Variants in NOS1AP observed in about 807,000 individuals in gnomAD.
The protein encoded by NOS1AP is carboxyl-terminal PDZ ligand of neuronal nitric oxide synthase protein.
Under a neutral mutation model 56.2 loss-of-function variants are expected in NOS1AP, and 21 were observed. The ratio of observed to expected loss-of-function variants is 0.37; its 90% CI spans 0.26 to 0.54. The LOEUF (loss-of-function observed/expected upper bound fraction) is 0.54. NOS1AP is among the 20% of genes least tolerant of loss of function. The pLI is 0.84. For synonymous variants in NOS1AP, 270 were observed against 274.6 expected (o/e 0.98, Z 0.17); for missense variants, 522 against 657.8 (o/e 0.79, Z 2.26).
chr1:162,137,143 C>G (rs1649038532), intron 1 of NOS1AP, among the ~76,000 whole-genome samples: 1 of 152,050 alleles, frequency 6.6e-6, no homozygotes, highest in Non-Finnish European at 1.5e-5. Context: ...TTTGATGGAC[C>G]CCCCTGTCAC....
intron 2 of NOS1AP, among the ~76,000 whole-genome samples, chr1:162,211,203 G>T (rs972438332): frequency 3.3e-5 from 5 of 152,202 alleles, no homozygotes; most frequent in African/African-American, 1.2e-4. Context: ...AATATCACAG[G>T]CTAGGTGGAT....
chr1:162,325,777 T>C (rs1656569734), intron 4 of NOS1AP, among the ~76,000 whole-genome samples: 2 of 152,150 alleles, frequency 1.3e-5, no homozygotes. Context: ...GGTGACTTGG[T>C]ACCTTATCTT....
At chr1:162,126,946 GT>G (rs1304557107) in intron 1 of NOS1AP, among the ~76,000 whole-genome samples, 1 of 152,108 alleles carries the variant, frequency 6.6e-6, no homozygotes, top group Non-Finnish European at 1.5e-5. Flanking sequence ...CCAACAGAAT[GT>G]ATTGTCAAAC....
rs2101825734 is a variant in NOS1AP, at chr1:162,361,001, A to G, written c.939+3865A>G. 4 of 447,078 alleles carry G rather than the reference A, an allele frequency of 8.9e-6. No homozygotes were observed. The East Asian group carries it at 2.8e-4, about 31-fold the overall frequency. The allele number at this position is 447,078 out of a possible 1,614,324, so 27.7% of individuals were successfully genotyped here. On this transcript the variant is annotated intron_variant, in intron 8 of 9. Coordinates refer to ENST00000361897, the MANE Select transcript of NOS1AP (RefSeq NM_014697.3). ...TTGAGGGTGGGTTTCAGAGTTTGGG[A>G]AAGCAGTGTAGAGCTGGAGGGTGCA...
At chr1:162,283,173 T>C (rs1296229175) in intron 2 of NOS1AP, among the ~76,000 whole-genome samples, 1 of 151,428 alleles carries the variant, frequency 6.6e-6, no homozygotes. Flanking sequence ...CATATATATA[T>C]AATATATGTT....
chr1:162,178,092 C>T (rs1361285672), intron 2 of NOS1AP, among the ~76,000 whole-genome samples: 1 of 152,222 alleles, frequency 6.6e-6, no homozygotes, highest in Non-Finnish European at 1.5e-5. Flanking sequence ...TGGAATCATA[C>T]AGTAGGTATG....
chr1:162,243,370 G>T (rs1434567224), intron 2 of NOS1AP, among the ~76,000 whole-genome samples: 2 of 152,068 alleles, frequency 1.3e-5, no homozygotes. Context: ...CAGAGACCAG[G>T]GTATTCACTT....
chr1:162,151,687 T>C (rs1240692751), intron 1 of NOS1AP, among the ~76,000 whole-genome samples: 1 of 152,178 alleles, frequency 6.6e-6, no homozygotes, highest in Non-Finnish European at 1.5e-5. Flanking sequence ...TTTTGTAGTT[T>C]TTATTGTAGA....
chr1:162,246,035 C>T (rs1460507289), intron 2 of NOS1AP, among the ~76,000 whole-genome samples: 3 of 152,162 alleles, frequency 2.0e-5, no homozygotes, highest in Non-Finnish European at 4.4e-5. Flanking sequence ...GATGGCAGGC[C>T]AGGTGCCCTT....
intron 2 of NOS1AP, among the ~76,000 whole-genome samples, chr1:162,207,776 A>G (rs1652208820): frequency 6.6e-6 from 1 of 152,240 alleles, no homozygotes; most frequent in African/African-American, 2.4e-5. Context: ...ATACACACAC[A>G]GGATCTAGAA....
chr1:162,347,078 A>G (rs576110777), intron 6 of NOS1AP, among the ~76,000 whole-genome samples: 3 of 152,368 alleles, frequency 2.0e-5, no homozygotes, highest in Admixed American at 2.0e-4. Context: ...ACAGTTTCCT[A>G]TAACTAATAT....
At position 162,369,906 on chromosome 1, in the gene NOS1AP, G is replaced by A. The variant is rs889728368; in HGVS notation, c.*2439G>A. ...ACCGACCCTCCATCAGGGCCAACTG[G>A]GCAGGAAAGGGAACATTGCAGACCT... On this transcript the variant is annotated 3_prime_UTR_variant, in exon 10 of 10. Transcript: ENST00000361897. 2.2e-4 allele frequency: 34 copies of A among 152,422 alleles called. No homozygotes were observed. Among genetic ancestry groups the A allele is most frequent in the African/African-American group, 8.2e-4 (34 of 41,548 alleles). 9.4% of individuals were successfully genotyped at this position (152,422 alleles called of 1,614,324 possible).
rs12408081 is a variant in NOS1AP at position 162,251,660 on chromosome 1, A to G, written c.178-35684A>G. Among the ~76,000 whole-genome samples, 181 of 149,398 alleles carry G rather than the reference A, an allele frequency of 1.2e-3. 1 individual carries two copies. The highest frequency in any genetic ancestry group is 2.9e-3 in the African/African-American group (118 of 40,836). ...TGTGTGTGTGTATAAATATATATAT[A>G]TGTGTGTGTGTATGTGTGTGTATAT... is the stretch of plus-strand genomic sequence containing the variant. On this transcript the variant is annotated intron_variant, in intron 2 of 9. Coordinates refer to ENST00000361897, the MANE Select transcript of NOS1AP (RefSeq NM_014697.3).
chr1:162,075,997 T>C (rs954479835), intron 1 of NOS1AP, among the ~76,000 whole-genome samples: 8 of 152,246 alleles, frequency 5.3e-5, no homozygotes, highest in African/African-American at 1.7e-4. Context: ...CAGTCCTTTT[T>C]AGTGGTCAAA....
intron 2 of NOS1AP, among the ~76,000 whole-genome samples, chr1:162,286,414 G>A (rs1346436629): frequency 6.6e-6 from 1 of 152,218 alleles, no homozygotes; most frequent in Non-Finnish European, 1.5e-5. Context: ...GAGCTTGCAA[G>A]TGAAGTTTGC....
At chr1:162,139,804 CA>C (rs1216996702) in intron 1 of NOS1AP, among the ~76,000 whole-genome samples, 3 of 152,000 alleles carry the variant, frequency 2.0e-5, no homozygotes, top group Non-Finnish European at 4.4e-5. Flanking sequence ...ATTTCAGGTT[CA>C]GTTTCTCAGC....
At chr1:162,298,290 C>T (rs931058974) in intron 3 of NOS1AP, among the ~76,000 whole-genome samples, 2 of 152,250 alleles carry the variant, frequency 1.3e-5, no homozygotes, top group African/African-American at 2.4e-5. Context: ...CCTTCTTGCT[C>T]CCGTTTCCCA....
chr1:162,313,147 G>A (rs1571211381), intron 4 of NOS1AP, among the ~76,000 whole-genome samples: 1 of 152,146 alleles, frequency 6.6e-6, no homozygotes, highest in East Asian at 1.9e-4. Context: ...TATGTAGAAA[G>A]CGCTTGGAAT....
At chr1:162,361,423 G>A (rs1291803717) in intron 8 of NOS1AP, among the ~76,000 whole-genome samples, 1 of 152,194 alleles carries the variant, frequency 6.6e-6, no homozygotes, top group East Asian at 1.9e-4. Context: ...TCAAGTTCGA[G>A]CCTACATAGT....
Sources: allele counts gnomAD v4.1 joint callset (sites outside exome capture counted in the v4.1 genomes callset), GRCh38; gene constraint gnomAD v4.1.1; transcripts MANE v1.5; gene names NCBI Gene and HGNC (gene_info 2026-07-23, HGNC 2026-07-21).